The following KCNC2 variants were observed in gnomAD, a reference collection of about 807,000 sequenced individuals.
The protein encoded by KCNC2 is potassium voltage-gated channel subfamily C member 2, also known as voltage-gated potassium channel KCNC2.
In KCNC2, 21 loss-of-function variants were observed where a neutral mutation model predicts 44.5. The ratio of observed to expected loss-of-function variants is 0.47; its 90% CI spans 0.33 to 0.68. The LOEUF is 0.68. Among genes scored for constraint, KCNC2 ranks in the 30% least tolerant of loss-of-function variants. The pLI is 0.01. For synonymous variants in KCNC2, 391 were observed against 339.1 expected (o/e 1.15, Z -1.68); for missense variants, 589 against 826.2 (o/e 0.71, Z 3.52).
At chr12:75,107,299 A>T (rs11180365) in intron 2 of KCNC2, among the ~76,000 whole-genome samples, 26,131 of 150,560 alleles carry the variant, frequency 0.17, 2,366 homozygotes, top group Middle Eastern at 0.25. Flanking sequence ...GGGAGACTCC[A>T]TCTCAAAAAA....
intron 2 of KCNC2, among the ~76,000 whole-genome samples, chr12:75,115,355 T>C (rs1269350015): frequency 6.6e-6 from 1 of 152,228 alleles, no homozygotes; most frequent in East Asian, 1.9e-4. Context: ...GGCATGGTTA[T>C]TCAATTTTAC....
At chr12:75,184,329 C>T (rs1454972577) in intron 2 of KCNC2, among the ~76,000 whole-genome samples, 1 of 152,112 alleles carries the variant, frequency 6.6e-6, no homozygotes, top group Admixed American at 6.5e-5. Context: ...TATTTAAGAG[C>T]ATATGCATAT....
intron 2 of KCNC2, among the ~76,000 whole-genome samples, chr12:75,160,023 C>T (rs1414958192): frequency 6.6e-6 from 1 of 151,778 alleles, no homozygotes; most frequent in Non-Finnish European, 1.5e-5. Context: ...CTTTTAGTTA[C>T]CACTATAGGC....
At chr12:75,095,570 T>G (rs1016743565) in intron 2 of KCNC2, among the ~76,000 whole-genome samples, 1 of 151,826 alleles carries the variant, frequency 6.6e-6, no homozygotes, top group Non-Finnish European at 1.5e-5. Flanking sequence ...GGTATACATG[T>G]TATTTTACTA....
chr12:75,070,631 A>T (rs7305079), intron 2 of KCNC2, among the ~76,000 whole-genome samples: 63,138 of 151,398 alleles, frequency 0.42, 16,371 homozygotes, highest in Non-Finnish European at 0.59. Flanking sequence ...ACTTTAAAAA[A>T]ATATATATAT....
At chr12:75,133,975 G>C (rs1889043870) in intron 2 of KCNC2, among the ~76,000 whole-genome samples, 1 of 151,884 alleles carries the variant, frequency 6.6e-6, no homozygotes. Flanking sequence ...AGGGGTAGGA[G>C]GATATAAGAG....
intron 2 of KCNC2, among the ~76,000 whole-genome samples, chr12:75,180,888 A>G (rs1892525652): frequency 6.6e-6 from 1 of 152,110 alleles, no homozygotes; most frequent in African/African-American, 2.4e-5. Flanking sequence ...GTAACTTTCA[A>G]TGTCTTCCAT....
At position 75,160,518 on chromosome 12, in the gene KCNC2, T is replaced by C. The variant is rs528728486; in HGVS notation, c.687+46779A>G. On this transcript the variant is annotated intron_variant, in intron 2 of 4. Transcript: ENST00000549446. ...AGGGTTCAAACACAGGTTTACTAGT[T>C]CTATAACTCAAATGATTTCTCCACA... Among the ~76,000 whole-genome samples the C allele has an allele frequency of 8.6e-5, 13 of 151,926 alleles. No homozygotes were observed. The East Asian group carries it at 2.1e-3, about 25-fold the overall frequency.
At chr12:75,095,388 TA>T (rs1885834674) in intron 2 of KCNC2, among the ~76,000 whole-genome samples, 1 of 151,798 alleles carries the variant, frequency 6.6e-6, no homozygotes, top group African/African-American at 2.4e-5. Context: ...TAATTTTTAA[TA>T]GAAGCCCCAC....
chr12:75,177,967 AGAT>A (rs1469687459), intron 2 of KCNC2, among the ~76,000 whole-genome samples: 1 of 152,056 alleles, frequency 6.6e-6, no homozygotes, highest in East Asian at 1.9e-4. Context: ...AACACCCAAC[AGAT>A]GATATTTAGA....
chr12:75,066,821 A>C (rs1309010142), intron 2 of KCNC2, among the ~76,000 whole-genome samples: 1 of 152,212 alleles, frequency 6.6e-6, no homozygotes, highest in South Asian at 2.1e-4. Flanking sequence ...ACTGTGTTTG[A>C]TTTATAACAA....
At chr12:75,071,936 T>TTAAAAA (rs1883451611) in intron 2 of KCNC2, among the ~76,000 whole-genome samples, 1 of 4,770 alleles carries the variant, frequency 2.1e-4, no homozygotes, top group Non-Finnish European at 3.7e-4. Context: ...AGACTCCTTC[T>TTAAAAA]CAAAAAAAAA....
chr12:75,100,784 G>A (rs926752438), intron 2 of KCNC2, among the ~76,000 whole-genome samples: 2 of 151,954 alleles, frequency 1.3e-5, no homozygotes, highest in African/African-American at 2.4e-5. Context: ...CTAGACAACA[G>A]TAGTTATATT....
intron 2 of KCNC2, among the ~76,000 whole-genome samples, chr12:75,063,600 G>C (rs1008536186): frequency 6.6e-6 from 1 of 152,018 alleles, no homozygotes; most frequent in African/African-American, 2.4e-5. Context: ...TGGTGGGGGA[G>C]AGCTGAATAG....
Position 75,042,083 on chromosome 12 carries a change from T to G in KCNC2, c.*1022A>C. On this transcript the variant is annotated 3_prime_UTR_variant, in exon 5 of 5. Transcript: ENST00000549446. ...CAAAAAAGCCTTCTGTGAACACCAG[T>G]GACATTTGATGTTTGCACAAAAAAT... The G allele has an allele frequency of 8.2e-7, 1 of 1,214,188 alleles. No individual in the cohort carries two copies. Among genetic ancestry groups the G allele is most frequent in the Non-Finnish European group, 1.0e-6 (1 of 976,410 alleles). 75.2% of individuals were successfully genotyped at this position (1,214,188 alleles called of 1,614,324 possible).
At chr12:75,108,501 C>G (rs1348460971) in intron 2 of KCNC2, among the ~76,000 whole-genome samples, 2 of 152,184 alleles carry the variant, frequency 1.3e-5, no homozygotes, top group Non-Finnish European at 2.9e-5. Flanking sequence ...AGAAAAAATT[C>G]TCTAATACTG....
intron 2 of KCNC2, among the ~76,000 whole-genome samples, chr12:75,167,224 T>C (rs1000967078): frequency 6.6e-5 from 10 of 151,326 alleles, no homozygotes; most frequent in Non-Finnish European, 4.4e-5. Context: ...AGCAAACATA[T>C]GGATGACCTT....
intron 2 of KCNC2, among the ~76,000 whole-genome samples, chr12:75,059,661 T>C (rs1882111083): frequency 6.6e-6 from 1 of 152,128 alleles, no homozygotes; most frequent in Non-Finnish European, 1.5e-5. Flanking sequence ...TTTTTATGTA[T>C]GACTAACAGG....
chr12:75,137,923 G>A (rs566553036), intron 2 of KCNC2, among the ~76,000 whole-genome samples: 95 of 152,252 alleles, frequency 6.2e-4, no homozygotes, highest in African/African-American at 2.2e-3. Flanking sequence ...TGAACATACA[G>A]CATTGAGTTC....
Sources: gnomAD v4.1 joint callset for allele counts (sites outside exome capture counted in the v4.1 genomes callset) on GRCh38, gnomAD v4.1.1 for gene constraint, MANE v1.5 for transcripts, NCBI Gene and HGNC (gene_info 2026-07-23, HGNC 2026-07-21) for gene names.